Variants in ARMC9 observed in about 807,000 individuals in gnomAD.
The protein encoded by ARMC9 is lisH domain-containing protein ARMC9.
ARMC9 carries 94 observed loss-of-function variants against 107.0 expected under a neutral mutation model. That is an observed-to-expected ratio of 0.88 (90% CI 0.74 to 1.04). The LOEUF (loss-of-function observed/expected upper bound fraction) is 1.04, where lower values mean the gene tolerates loss of function less well. Among genes scored for constraint, ARMC9 ranks in the 50% least tolerant of loss-of-function variants. ARMC9 has a pLI of 0.00. For missense variants in ARMC9, 942 were observed against 1,030.1 expected (o/e 0.91, Z 1.17); for synonymous variants, 380 against 396.9 (o/e 0.96, Z 0.51).
intron 7 of ARMC9, among the ~76,000 whole-genome samples, chr2:231,231,694 A>AAT (rs879805494): frequency 5.5e-5 from 8 of 144,456 alleles, no homozygotes; most frequent in African/African-American, 7.7e-5. Context: ...TGAAAAAAAA[A>AAT]TTTTTTTTTT....
Position 231,248,531 on chromosome 2 carries a change from C to T in ARMC9, c.880-8055C>T, listed in dbSNP as rs74269095. 2.0e-3 allele frequency among the ~76,000 whole-genome samples: 304 copies of T among 152,156 alleles called. 2 individuals are homozygous for T. The highest frequency in any genetic ancestry group is 0.013 in the East Asian group (69 of 5,180). On this transcript the variant is annotated intron_variant, in intron 9 of 24. Transcript: ENST00000611582. ...CTTCTCGTTAAAAAGCTGGCAGGGC[C>T]GGACGTGGTGGCTTACACGTGTAAT...
chr2:231,350,689 G>A (rs997833152), intron 21 of ARMC9, among the ~76,000 whole-genome samples: 1 of 151,606 alleles, frequency 6.6e-6, no homozygotes, highest in Non-Finnish European at 1.5e-5. Flanking sequence ...ATGTTCTTGA[G>A]GGAAGGTCAG....
In ARMC9 at chr2:231,328,814, C is replaced by CTTTTTTTTTTTTTTTTTTTTTTTTTT. The variant is rs1341987081; in HGVS notation, c.1774-2975_1774-2974insTTTTTTTTTTTTTTTTTTTTTTTTTT. On this transcript the variant is annotated intron_variant, in intron 19 of 24. Transcript: ENST00000611582. Reference sequence around the variant, plus strand: ...AGCGTGTTCAATTTTCTTTTCTTTTCTTTTCTTTTTTTTTTTTTGAGTCGG... The same window carrying CTTTTTTTTTTTTTTTTTTTTTTTTTT: ...AGCGTGTTCAATTTTCTTTTCTTTTCTTTTTTTTTTTTTTTTTTTTTTTTTTTTTTCTTTTTTTTTTTTTGAGTCGG... 7.9e-3 allele frequency among the ~76,000 whole-genome samples: 1,001 copies of CTTTTTTTTTTTTTTTTTTTTTTTTTT among 127,042 alleles called. 208 individuals carry two copies. Among genetic ancestry groups the CTTTTTTTTTTTTTTTTTTTTTTTTTT allele is most frequent in the Non-Finnish European group, 0.011 (652 of 58,776 alleles). 83.3% of individuals were successfully genotyped at this position (127,042 alleles called of 152,430 possible). A position where few individuals can be genotyped will look rare whatever the true frequency, so the allele number is the denominator to read the frequency against.
chr2:231,341,632 T>C (rs911029227), intron 20 of ARMC9, among the ~76,000 whole-genome samples: 1 of 105,848 alleles, frequency 9.4e-6, no homozygotes, highest in Non-Finnish European at 1.7e-5. Context: ...GATTGATAGA[T>C]AGATAGATGA....
At chr2:231,365,957 G>T (rs2045799805) in intron 23 of ARMC9, among the ~76,000 whole-genome samples, 1 of 152,200 alleles carries the variant, frequency 6.6e-6, no homozygotes, top group Non-Finnish European at 1.5e-5. Flanking sequence ...CAGGCAGAGG[G>T]AGCCCCGGTC....
chr2:231,259,766 G>A (rs183241420), intron 11 of ARMC9, among the ~76,000 whole-genome samples: 3 of 152,306 alleles, frequency 2.0e-5, no homozygotes, highest in Admixed American at 2.0e-4. Context: ...GCCGAGGCAG[G>A]TGGATCACCT....
intron 19 of ARMC9, among the ~76,000 whole-genome samples, chr2:231,328,850 T>C (rs2043524505): frequency 1.3e-5 from 2 of 148,984 alleles, no homozygotes; most frequent in Non-Finnish European, 3.0e-5. Flanking sequence ...AGTCTTGCTC[T>C]GTCGCCCAGG....
intron 12 of ARMC9, among the ~76,000 whole-genome samples, chr2:231,267,174 A>T (rs1332288795): frequency 6.6e-6 from 1 of 152,228 alleles, no homozygotes; most frequent in Non-Finnish European, 1.5e-5. Flanking sequence ...TGGGAAACAC[A>T]GAGCGTCTGG....
chr2:231,262,206 G>A (rs906421475), intron 11 of ARMC9, 100 bp from the exon 12 acceptor site: 104 of 1,075,436 alleles, frequency 9.7e-5, no homozygotes, highest in Non-Finnish European at 1.3e-4. Flanking sequence ...TTGGTTAAAT[G>A]TGTAGGTACT....
chr2:231,319,909 C>T (rs985960221), intron 19 of ARMC9, among the ~76,000 whole-genome samples: 1 of 151,964 alleles, frequency 6.6e-6, no homozygotes, highest in Non-Finnish European at 1.5e-5. Context: ...CCTTCCTCTC[C>T]CTCCCCTCCT....
intron 19 of ARMC9, among the ~76,000 whole-genome samples, chr2:231,324,183 A>G (rs1198375994): frequency 1.6e-5 from 2 of 125,126 alleles, no homozygotes; most frequent in African/African-American, 6.3e-5. Flanking sequence ...GCTGGAGTGC[A>G]GTGGTGCAAT....
At chr2:231,266,512 A>G (rs2038871312) in intron 12 of ARMC9, among the ~76,000 whole-genome samples, 1 of 152,194 alleles carries the variant, frequency 6.6e-6, no homozygotes, top group African/African-American at 2.4e-5. Flanking sequence ...AAACACATTC[A>G]TAATGTGCAA....
chr2:231,321,195 C>T (rs1267906362), intron 19 of ARMC9, among the ~76,000 whole-genome samples: 1 of 152,248 alleles, frequency 6.6e-6, no homozygotes, highest in East Asian at 1.9e-4. Context: ...TAACGCCGCC[C>T]TTGCGATCTA....
chr2:231,313,059 TACTAAG>T (rs1446926563), intron 19 of ARMC9, among the ~76,000 whole-genome samples: 1 of 152,260 alleles, frequency 6.6e-6, no homozygotes, highest in East Asian at 1.9e-4. Context: ...TTCTACCAGT[TACTAAG>T]AGAGGAGTAT....
At chr2:231,293,032 A>G (rs938454301) in intron 18 of ARMC9, among the ~76,000 whole-genome samples, 2 of 152,190 alleles carry the variant, frequency 1.3e-5, no homozygotes, top group African/African-American at 4.8e-5. Flanking sequence ...GAGGGTGTCC[A>G]AGGGGCTCCC....
chr2:231,206,185 T>C lies in ARMC9; in HGVS notation c.-41-13T>C, dbSNP rs1213699547. On this transcript the variant is annotated splice_polypyrimidine_tract_variant and intron_variant, in intron 1 of 24. Transcript: ENST00000611582. ...TGAAATGAAAGCTGTTGTCTTGTAT[T>C]TTTGCCTTCTAGAGATTTTTGCTGT... The C allele has an allele frequency of 1.3e-6, 2 of 1,496,526 alleles. No individual in the cohort carries two copies. Among genetic ancestry groups the C allele is most frequent in the African/African-American group, 2.8e-5 (2 of 72,374 alleles). 92.7% of individuals were successfully genotyped at this position (1,496,526 alleles called of 1,614,324 possible). A position where few individuals can be genotyped will look rare whatever the true frequency, so the allele number is the denominator to read the frequency against.
chr2:231,271,484 G>A lies in ARMC9; in HGVS notation c.1210+412G>A, dbSNP rs921273513. Among the ~76,000 whole-genome samples, 23 of 152,174 alleles carry A rather than the reference G, an allele frequency of 1.5e-4. 1 individual carries two copies. Among genetic ancestry groups the A allele is most frequent in the Admixed American group, 9.8e-4 (15 of 15,276 alleles). ...AATAAACACTGCACCATTTCCTTCA[G>A]AAGACTATGACCTCTTAAATCAAAG... is the stretch of plus-strand genomic sequence containing the variant. On this transcript the variant is annotated intron_variant, in intron 13 of 24. Coordinates refer to ENST00000611582, the MANE Select transcript of ARMC9 (RefSeq NM_001352754.2).
rs542183911 is a variant in ARMC9 at position 231,357,107 on chromosome 2, C to G, written c.2131+1173C>G. Among the ~76,000 whole-genome samples the G allele has an allele frequency of 7.9e-5, 12 of 152,292 alleles. No individual in the cohort carries two copies. The South Asian group carries it at 1.2e-3, about 16-fold the overall frequency. ...GGCATGGATGGAAATGGCCAAGGAG[C>G]AGCTGCTGCAATGTTGATGTTATTG... On this transcript the variant is annotated intron_variant, in intron 22 of 24. Transcript: ENST00000611582.
intron 7 of ARMC9, among the ~76,000 whole-genome samples, chr2:231,234,023 C>T (rs956058002): frequency 2.0e-5 from 3 of 151,846 alleles, no homozygotes; most frequent in African/African-American, 4.8e-5. Flanking sequence ...CTGTGGTTAC[C>T]CAGCAAAAAG....
Sources: allele counts gnomAD v4.1 joint callset (sites outside exome capture counted in the v4.1 genomes callset), GRCh38; gene constraint gnomAD v4.1.1; transcripts MANE v1.5; gene names NCBI Gene and HGNC (gene_info 2026-07-23, HGNC 2026-07-21).